The following NAF1 variants were observed in gnomAD, a reference collection of about 807,000 sequenced individuals.
NAF1 encodes the protein nuclear assembly factor 1 ribonucleoprotein.
NAF1 carries 11 observed loss-of-function variants against 40.6 expected under a neutral mutation model. That is an observed-to-expected ratio of 0.27 (90% CI 0.17 to 0.45). The LOEUF (loss-of-function observed/expected upper bound fraction) is 0.45, where lower values mean the gene tolerates loss of function less well. NAF1 is among the 20% of genes least tolerant of loss of function. The pLI is 1.00. For missense variants in NAF1, 607 were observed against 611.1 expected, an observed-to-expected ratio of 0.99 and a Z score of 0.07; for synonymous variants, 260 against 228.5, an observed-to-expected ratio of 1.14 and a Z score of -1.24.
chr4:163,152,407 A>G (rs1345607716), intron 2 of NAF1, among the ~76,000 whole-genome samples: 1 of 152,198 alleles, frequency 6.6e-6, no homozygotes, highest in Non-Finnish European at 1.5e-5. Flanking sequence ...GACCAAGATA[A>G]GGGAAAATAT....
intron 4 of NAF1, among the ~76,000 whole-genome samples, chr4:163,141,720 G>A (rs753694516): frequency 1.3e-5 from 2 of 152,130 alleles, no homozygotes; most frequent in African/African-American, 2.4e-5. Context: ...CTGAAAGTAC[G>A]ATAATTAACA....
intron 2 of NAF1, chr4:163,117,326 CT>C (rs1278358437): frequency 3.3e-5 from 5 of 152,078 alleles, no homozygotes; most frequent in African/African-American, 1.2e-4. Context: ...TAATATTGCA[CT>C]TAGGATTGCA....
In NAF1 at chr4:163,118,481, G is replaced by A. The variant is rs1001414879; in HGVS notation, c.115-8191C>T. Among the ~76,000 whole-genome samples the A allele has an allele frequency of 3.3e-5, 5 of 152,268 alleles. No individual in the cohort carries two copies. In the South Asian group the frequency reaches 8.3e-4, roughly 25 times the overall value. On this transcript the variant is annotated intron_variant, in intron 2 of 2. Transcript: ENST00000509434. ...ATAAAACCTATTTTTGGCCAGGCAC[G>A]GTGGCTCACGCCTGTAATCCCAGCA... is the stretch of plus-strand genomic sequence containing the variant.
At position 163,166,620 on chromosome 4, in the gene NAF1, A is replaced by G. The variant is rs1177465795; in HGVS notation, c.108T>C (p.Pro36=). 5 of 1,611,390 alleles carry G rather than the reference A, an allele frequency of 3.1e-6. No individual in the cohort carries two copies. Among genetic ancestry groups the G allele is most frequent in the Non-Finnish European group, 4.2e-6 (5 of 1,179,506 alleles). The part of the protein sequence containing the change: ...GPAAPSPGSA[P]VPGTQPPLQS... ...GTAGCGGCGGCTGTGTCCCTGGCAC[A>G]GGGGCAGAGCCCGGAGACGGAGCCG... The change falls in exon 1 of 8, where the codon CCT becomes CCC. Residue 36 remains proline, a synonymous_variant. Coordinates refer to ENST00000274054, the MANE Select transcript of NAF1 (RefSeq NM_138386.3).
chr4:163,111,940 A>C (rs1455396345), intron 2 of NAF1, among the ~76,000 whole-genome samples: 1 of 152,194 alleles, frequency 6.6e-6, no homozygotes, highest in Non-Finnish European at 1.5e-5. Context: ...AGGTCAGACC[A>C]TCATAGTTTG....
intron 3 of NAF1, 31 bp downstream of exon 3, chr4:163,148,310 A>T (rs781649943): frequency 1.4e-6 from 2 of 1,394,458 alleles, no homozygotes; most frequent in Non-Finnish European, 1.9e-6. Context: ...GTGTTTGGAA[A>T]CAATTTTTAT....
At chr4:163,127,117 T>C, downstream of NAF1, 2 of 1,550,108 alleles carry the variant, frequency 1.3e-6, no homozygotes. Context: ...TACCTGTACC[T>C]GGGGTAAAGA....
In NAF1 at chr4:163,129,206, A is replaced by G. The variant is rs1287199403; in HGVS notation, c.1176T>C (p.Pro392=). Residue 392 remains proline (P), a synonymous_variant, in exon 8 of 8, where the codon CCT becomes CCC. Transcript: ENST00000274054. ...YPRSCHGRPP[P]QHFYNSEHMV... ...TATGTTCTGAGTTATAGAAATGCTGAGGTGGAGGCCTGCCATGGCAAGATC... is the reference window on the plus strand; with the variant it reads ...TATGTTCTGAGTTATAGAAATGCTGGGGTGGAGGCCTGCCATGGCAAGATC... The G allele has an allele frequency of 1.2e-6, 2 of 1,613,868 alleles. No individual in the cohort carries two copies. Among genetic ancestry groups the G allele is most frequent in the Non-Finnish European group, 1.7e-6 (2 of 1,179,764 alleles).
intron 4 of NAF1, among the ~76,000 whole-genome samples, chr4:163,144,698 T>C (rs966488452): frequency 1.3e-5 from 2 of 152,252 alleles, no homozygotes; most frequent in African/African-American, 4.8e-5. Context: ...ATTTAATTTT[T>C]GCCAACAGGC....
intron 2 of NAF1, among the ~76,000 whole-genome samples, chr4:163,157,963 T>C (rs1196257330): frequency 6.6e-6 from 1 of 152,064 alleles, no homozygotes; most frequent in Admixed American, 6.5e-5. Flanking sequence ...TGAAGGCTTA[T>C]TGAGCAAAAA....
downstream of NAF1, among the ~76,000 whole-genome samples, chr4:163,124,459 C>T (rs1579130566): frequency 6.6e-6 from 1 of 152,130 alleles, no homozygotes; most frequent in African/African-American, 2.4e-5. Flanking sequence ...CTTCCCAATA[C>T]TTTAAACAAT....
rs1407374566 is a variant in NAF1 at position 163,115,201 on chromosome 4, TTTTTTATTTA to T, written c.115-4921_115-4912del. Among the ~76,000 whole-genome samples the T allele has an allele frequency of 2.2e-4, 21 of 95,756 alleles. 2 individuals carry two copies. In the East Asian group the frequency reaches 3.1e-3, roughly 14 times the overall value. The allele number at this position is 95,756 out of a possible 152,430, so 62.8% of individuals were successfully genotyped here. A position where few individuals can be genotyped will look rare whatever the true frequency, so the allele number is the denominator to read the frequency against. On this transcript the variant is annotated intron_variant, in intron 2 of 2. Coordinates refer to the NAF1 transcript ENST00000509434. Reference sequence around the variant, plus strand: ...ACTATTGGCGATATAGGACAATAATTTTTTTATTTATTTTTTTTTTTTTTTGAGACAGAGT... The same window carrying T: ...ACTATTGGCGATATAGGACAATAATTTTTTTTTTTTTTTTTGAGACAGAGT...
At chr4:163,125,313 A>G (rs1730623946), downstream of NAF1, among the ~76,000 whole-genome samples, 1 of 152,276 alleles carries the variant, frequency 6.6e-6, no homozygotes, top group African/African-American at 2.4e-5. Flanking sequence ...GAGGCAAACT[A>G]AAAGCTAGGC....
downstream of NAF1, chr4:163,110,053 T>C (rs1579110322): frequency 6.5e-6 from 3 of 460,368 alleles, no homozygotes; most frequent in East Asian, 6.5e-5. Flanking sequence ...TATGCAGATA[T>C]GGAGAACATT....
At chr4:163,118,759 A>G (rs1484474357) in intron 2 of NAF1, among the ~76,000 whole-genome samples, 1 of 152,184 alleles carries the variant, frequency 6.6e-6, no homozygotes, top group Non-Finnish European at 1.5e-5. Context: ...TCTCAAAAAA[A>G]GAAAAAAAAA....
At chr4:163,116,747 A>G (rs577677663) in intron 2 of NAF1, among the ~76,000 whole-genome samples, 9 of 152,232 alleles carry the variant, frequency 5.9e-5, no homozygotes, top group Admixed American at 2.6e-4. Flanking sequence ...ATAAAATGTT[A>G]ATGTTTACTA....
chr4:163,118,568 C>T (rs1022408061), intron 2 of NAF1, among the ~76,000 whole-genome samples: 1 of 152,258 alleles, frequency 6.6e-6, no homozygotes, highest in South Asian at 2.1e-4. Context: ...GCCTGGCCAA[C>T]ATGGCGAAAC....
At chr4:163,107,100 C>G (rs988758089), downstream of NAF1, among the ~76,000 whole-genome samples, 1 of 152,106 alleles carries the variant, frequency 6.6e-6, no homozygotes, top group South Asian at 2.1e-4. Context: ...GATTCTCCTG[C>G]CTTAGCCTCC....
At chr4:163,133,330 A>C (rs1730940574) in intron 6 of NAF1, 74 bp from the exon 7 acceptor site, 2 of 1,155,326 alleles carry the variant, frequency 1.7e-6, no homozygotes, top group South Asian at 2.8e-5. Context: ...TTGGAGGTGA[A>C]GAAAATAAGC....
Sources: allele counts gnomAD v4.1 joint callset (sites outside exome capture counted in the v4.1 genomes callset), GRCh38; gene constraint gnomAD v4.1.1; transcripts MANE v1.5; gene names NCBI Gene and HGNC (gene_info 2026-07-23, HGNC 2026-07-21).